Variants in RNF213 observed in about 807,000 individuals in gnomAD.
RNF213 encodes ring finger protein 213.
In RNF213, 341 loss-of-function variants were observed where a neutral mutation model predicts 514.4. The ratio of observed to expected loss-of-function variants is 0.66; its 90% CI spans 0.61 to 0.73. RNF213 has a LOEUF of 0.73. Among genes scored for constraint, RNF213 ranks in the 30% least tolerant of loss-of-function variants. The probability of loss-of-function intolerance (pLI) is 0.00; values close to 1 mark genes in which losing one functional copy is unlikely to be tolerated. For synonymous variants in RNF213, 2,655 were observed against 2,658.2 expected (o/e 1.00, Z 0.04); for missense variants, 5,767 against 6,615.6 (o/e 0.87, Z 4.45).
intron 64 of RNF213, 38 bp downstream of exon 64, chr17:80,388,727 C>T (rs1168172185): frequency 1.4e-6 from 2 of 1,459,658 alleles, no homozygotes; most frequent in African/African-American, 2.8e-5. Flanking sequence ...ACGGGGCTTT[C>T]TGCCTTCTCA....
chr17:80,311,656 G>A (rs2045578323), intron 14 of RNF213, among the ~76,000 whole-genome samples: 1 of 152,282 alleles, frequency 6.6e-6, no homozygotes, highest in East Asian at 1.9e-4. Context: ...TCCCCTGCCT[G>A]CTGTGGGCTT....
chr17:80,371,916 G>A lies in RNF213; in HGVS notation c.12468G>A (p.Leu4156=), dbSNP rs1195664549. 6.3e-7 allele frequency: 1 copy of A among 1,587,106 alleles called. No homozygotes were observed. The highest frequency in any genetic ancestry group is 8.7e-7 in the Non-Finnish European group (1 of 1,155,458). The stretch of plus-strand genomic sequence containing the variant: ...ATTATATTCAGGAATATTTGACCCT[G>A]TTAAAAAAGAAAGCATTCATAACTG... ...VKDYIQEYLT[L]LKKKAFITED... The change falls in exon 47 of 68, where the codon CTG becomes CTA. Residue 4156 remains leucine, a synonymous_variant. Transcript: ENST00000582970.
In RNF213 at chr17:80,388,619, C is replaced by G; in HGVS notation, c.14930C>G (p.Pro4977Arg). ...TTTTCTTTCCCAATTTAGGGAATACCCACTCTGGTGTACAGACACGACTGG... is the reference window on the plus strand; with the variant it reads ...TTTTCTTTCCCAATTTAGGGAATACGCACTCTGGTGTACAGACACGACTGG... Reference protein sequence around the residue: ...GKPRLSLKGIPTLVYRHDWNY... With the variant: ...GKPRLSLKGIRTLVYRHDWNY... The change falls in exon 64 of 68, where the codon CCC becomes CGC. Residue 4977 changes from proline to arginine, a missense_variant. Pro to Arg is a moderately radical substitution (Grantham distance 103). Around this residue, in one of 13 missense-constraint regions of RNF213, gnomAD observed 1,245 missense variants for 1,339.0 expected, o/e 0.93. Transcript: ENST00000582970. 1 of 1,608,594 alleles carries G rather than the reference C, an allele frequency of 6.2e-7. No homozygotes were observed. Among genetic ancestry groups the G allele is most frequent in the Non-Finnish European group, 8.5e-7 (1 of 1,175,464 alleles).
chr17:80,356,317 A>G (rs1384242170), intron 36 of RNF213, among the ~76,000 whole-genome samples: 2 of 152,046 alleles, frequency 1.3e-5, no homozygotes, highest in Non-Finnish European at 2.9e-5. Context: ...ATGCTTTTGA[A>G]TCCCTGACTC....
At chr17:80,290,170 C>T (rs753473462) in intron 6 of RNF213, among the ~76,000 whole-genome samples, 1 of 152,246 alleles carries the variant, frequency 6.6e-6, no homozygotes, top group African/African-American at 2.4e-5. Context: ...CCTCTTCTTC[C>T]TCCATTTTGG....
intron 10 of RNF213, 105 bp from the exon 11 acceptor site, chr17:80,298,216 C>G: frequency 8.3e-7 from 1 of 1,207,676 alleles, no homozygotes; most frequent in African/African-American, 1.5e-5. Flanking sequence ...CGGTGCTCCT[C>G]TTGCTCTGTG....
intron 54 of RNF213, among the ~76,000 whole-genome samples, chr17:80,378,110 A>T (rs2079835916): frequency 6.6e-6 from 1 of 152,226 alleles, no homozygotes; most frequent in South Asian, 2.1e-4. Context: ...TGTGACAGCT[A>T]AAACCAGACA....
chr17:80,307,373 T>C (rs1183140538), intron 13 of RNF213, among the ~76,000 whole-genome samples, 172 bp downstream of exon 13: 1 of 150,384 alleles, frequency 6.6e-6, no homozygotes, highest in Non-Finnish European at 1.5e-5. Flanking sequence ...TTTTTTTTTT[T>C]TTTTTTTTGA....
chr17:80,376,269 T>C (rs770203089), intron 51 of RNF213, 32 bp from the exon 52 acceptor site: 10 of 1,613,008 alleles, frequency 6.2e-6, no homozygotes, highest in Non-Finnish European at 8.5e-6. Flanking sequence ...TATTCTTTGA[T>C]ACATCTTAAT....
Position 80,292,672 on chromosome 17 carries a change from G to A in RNF213, c.1471+845G>A, listed in dbSNP as rs544880220. Among the ~76,000 whole-genome samples the A allele has an allele frequency of 6.6e-5, 10 of 152,110 alleles. No homozygotes were observed. The South Asian group carries it at 8.3e-4, about 13-fold the overall frequency. On this transcript the variant is annotated intron_variant, in intron 8 of 67. Coordinates refer to ENST00000582970, the MANE Select transcript of RNF213 (RefSeq NM_001256071.3). Reference sequence around the variant, plus strand: ...CTCTGCGCCCCTTCATGCCTCTCTCGGGGGTCCCCCACCTGGGTTCTCTGT... The same window carrying A: ...CTCTGCGCCCCTTCATGCCTCTCTCAGGGGTCCCCCACCTGGGTTCTCTGT...
rs138677961 is a variant in RNF213, at chr17:80,288,193, A to C, written c.640A>C (p.Arg214=). ...GGACGCTTCCATCCCCTCTGGGGGC[A>C]GAGGCCTGTCCCAGGAGGGGACCGG... ...DQDASIPSGG[R]GLSQEGTGPP... is the part of the protein sequence containing the mutation. Residue 214 remains arginine (R), a synonymous_variant, in exon 4 of 68, where the codon AGA becomes CGA. Transcript: ENST00000582970. This position sits in a 1 kb window ranked among gnomAD's most constrained non-coding sequence, Gnocchi z 4.9. 393 of 1,612,726 alleles carry C rather than the reference A, an allele frequency of 2.4e-4. 4 individuals carry two copies. In the African/African-American group the frequency reaches 3.6e-3, roughly 15 times the overall value.
chr17:80,376,978 C>T lies in RNF213; in HGVS notation c.13510+15C>T. The T allele has an allele frequency of 1.3e-6, 2 of 1,589,544 alleles. No individual in the cohort carries two copies. The highest frequency in any genetic ancestry group is 1.7e-6 in the Non-Finnish European group (2 of 1,158,354). ...CCACTGGTACAGTAAGTGTTGGGGT[C>T]TAGATGACCCCACACTCCTTTGAGC... On this transcript the variant is annotated intron_variant, in intron 53 of 67. Transcript: ENST00000582970.
intron 63 of RNF213, among the ~76,000 whole-genome samples, chr17:80,387,683 C>T (rs368047631): frequency 1.1e-4 from 16 of 152,240 alleles, no homozygotes; most frequent in African/African-American, 3.9e-4. Flanking sequence ...CCTGGCCTCT[C>T]ATGGCATATG....
At chr17:80,276,591 T>A (rs1016319353) in intron 3 of RNF213, among the ~76,000 whole-genome samples, 1 of 151,728 alleles carries the variant, frequency 6.6e-6, no homozygotes. Flanking sequence ...ACTGGGTGAC[T>A]GTGAGATCCT....
Position 80,349,779 on chromosome 17 carries a change from TTC to T in RNF213, c.9964_9965del (p.Ser3322GlnfsTer9). On this transcript the variant is annotated frameshift_variant, in exon 30 of 68. Transcript: ENST00000582970. LOFTEE classifies it high-confidence loss of function. ...RHAIFTEITT[F>X]SRLLTSHDCE... ...TTTCTTAACTCTGTAGATCACCACT[TTC>T]TCCAGGCTGCTAACAAGTCACGACT... 6.2e-7 allele frequency: 1 copy of T among 1,614,202 alleles called. No homozygotes were observed. Among genetic ancestry groups the T allele is most frequent in the Non-Finnish European group, 8.5e-7 (1 of 1,180,032 alleles).
rs143778568 is a variant in RNF213 at position 80,353,038 on chromosome 17, G to A, written c.10402G>A (p.Ala3468Thr). Residue 3468 changes from alanine (A) to threonine (T), a missense_variant, in exon 33 of 68, where the codon GCG becomes ACG. Ala to Thr is a moderately conservative substitution (Grantham distance 58). This residue lies in a region of RNF213 where 919 missense variants were observed against 1,121.0 expected (regional missense o/e 0.82). Coordinates refer to ENST00000582970, the MANE Select transcript of RNF213 (RefSeq NM_001256071.3). The surrounding 1 kb of genome is among the most constrained non-coding windows in gnomAD (Gnocchi z 5.0). ...GCATGTCACCATCAGCCAGCTGTTC[G>A]CGCCCGGAGACTTGCCTGAGCGTGA... ...LQHVTISQLF[A>T]PGDLPELGLE... The A allele has an allele frequency of 4.6e-5, 74 of 1,613,004 alleles. No homozygotes were observed. Among genetic ancestry groups the A allele is most frequent in the East Asian group, 8.9e-5 (4 of 44,902 alleles).
intron 3 of RNF213, among the ~76,000 whole-genome samples, chr17:80,284,201 C>CA (rs138713917): frequency 0.1 from 14,087 of 141,030 alleles, 1,083 homozygotes; most frequent in East Asian, 0.21. Context: ...TACAAAAATA[C>CA]AAAAAAAAAA....
intron 50 of RNF213, among the ~76,000 whole-genome samples, chr17:80,375,386 C>T (rs1164883009): frequency 1.3e-5 from 2 of 152,106 alleles, no homozygotes; most frequent in Non-Finnish European, 2.9e-5. Flanking sequence ...ATGCAAACTT[C>T]GTGGGCCTCT....
At chr17:80,275,533 C>G (rs937481284) in intron 3 of RNF213, among the ~76,000 whole-genome samples, 1 of 152,010 alleles carries the variant, frequency 6.6e-6, no homozygotes, top group African/African-American at 2.4e-5. Flanking sequence ...CACAAATGCT[C>G]GAGCAGGACG....
Sources: allele counts gnomAD v4.1 joint callset (sites outside exome capture counted in the v4.1 genomes callset), GRCh38; gene constraint gnomAD v4.1.1; regional missense constraint gnomAD v4.1.1; non-coding constraint Gnocchi (gnomAD v3.1); transcripts MANE v1.5; gene names NCBI Gene and HGNC (gene_info 2026-07-23, HGNC 2026-07-21).